Variants in SSPN observed in about 807,000 individuals in gnomAD.
SSPN encodes sarcospan.
SSPN carries 15 observed loss-of-function variants against 19.1 expected under a neutral mutation model. The ratio of observed to expected loss-of-function variants is 0.78; its 90% CI spans 0.52 to 1.21. The LOEUF (loss-of-function observed/expected upper bound fraction) is 1.21. SSPN is among the 50% of genes most tolerant of loss of function. The pLI, the probability that SSPN is intolerant of heterozygous loss-of-function variation, is 0.00. For missense variants in SSPN, 291 were observed against 314.0 expected, an observed-to-expected ratio of 0.93 and a Z score of 0.55; for synonymous variants, 147 against 140.3, an observed-to-expected ratio of 1.05 and a Z score of -0.34.
chr12:26,153,622 G>A (rs1410515371), intron 1 of SSPN, among the ~76,000 whole-genome samples: 2 of 152,206 alleles, frequency 1.3e-5, no homozygotes, highest in South Asian at 2.1e-4. Flanking sequence ...CTGAGCCTTG[G>A]TTTATTTTTA....
chr12:26,135,705 G>C (rs1944421262), intron 1 of SSPN, among the ~76,000 whole-genome samples: 1 of 152,134 alleles, frequency 6.6e-6, no homozygotes, highest in Non-Finnish European at 1.5e-5. Context: ...TGATTTTTCT[G>C]GTCAAGGGCT....
chr12:26,181,703 A>T (rs1409149368), intron 1 of SSPN, among the ~76,000 whole-genome samples: 1 of 152,192 alleles, frequency 6.6e-6, no homozygotes, highest in Non-Finnish European at 1.5e-5. Flanking sequence ...GAGCTTGTCT[A>T]GTGAGATAAA....
Position 26,143,892 on chromosome 12 carries a change from C to T in SSPN, c.-31+21740C>T, listed in dbSNP as rs534521211. On this transcript the variant is annotated intron_variant, in intron 1 of 2. Transcript: ENST00000538142. ...GAGTGCAAAACCCTATTGTGAACTG[C>T]GCATGTGAGGGATCTAGGTTGTGTG... 1.4e-4 allele frequency among the ~76,000 whole-genome samples: 22 copies of T among 152,174 alleles called. No individual in the cohort carries two copies. In the South Asian group the frequency reaches 3.3e-3, roughly 23 times the overall value.
chr12:26,202,021 C>T (rs954563936), intron 1 of SSPN, among the ~76,000 whole-genome samples: 1 of 152,184 alleles, frequency 6.6e-6, no homozygotes, highest in South Asian at 2.1e-4. Context: ...TACTCAAGTC[C>T]CTGCTATAAA....
chr12:26,196,892 C>A (rs945191267), intron 1 of SSPN, among the ~76,000 whole-genome samples: 2 of 152,194 alleles, frequency 1.3e-5, no homozygotes, highest in African/African-American at 4.8e-5. Flanking sequence ...CTCATTGAAC[C>A]ACACTGCCAC....
intron 1 of SSPN, among the ~76,000 whole-genome samples, chr12:26,157,103 A>T (rs1944560462): frequency 6.6e-6 from 1 of 152,106 alleles, no homozygotes. Context: ...AGTAAAAACA[A>T]CTCTGGTCTC....
At chr12:26,159,641 G>A (rs921938433) in intron 1 of SSPN, among the ~76,000 whole-genome samples, 2 of 152,204 alleles carry the variant, frequency 1.3e-5, no homozygotes, top group African/African-American at 4.8e-5. Context: ...GAATGGTTAT[G>A]TTTTCAAAGG....
Position 26,230,893 on chromosome 12 carries a change from C to G in SSPN, c.549C>G (p.Asp183Glu), listed in dbSNP as rs1408972093. 6.2e-7 allele frequency: 1 copy of G among 1,614,194 alleles called. No homozygotes were observed. The change falls in exon 3 of 3, where the codon GAC (aspartate) becomes GAG (glutamate). Residue 183 changes from aspartate (D) to glutamate (E), a missense_variant. Transcript: ENST00000242729. ...SRTFVYRDVTDCTSVTGTFKL... is the reference protein window; with the variant it reads ...SRTFVYRDVTECTSVTGTFKL... The stretch of plus-strand genomic sequence containing the variant: ...CCTTTGTTTACCGGGATGTGACGGA[C>G]TGTACCAGCGTCACTGGCACTTTCA...
At chr12:26,222,589 A>G (rs1259440066) in intron 1 of SSPN, among the ~76,000 whole-genome samples, 1 of 152,206 alleles carries the variant, frequency 6.6e-6, no homozygotes, top group East Asian at 1.9e-4. Flanking sequence ...TGTCTCTAGG[A>G]TAATTGTGCT....
chr12:26,123,559 A>G lies in SSPN; in HGVS notation c.-31+1407A>G, dbSNP rs376838807. 326 of 1,030,326 alleles carry G rather than the reference A, an allele frequency of 3.2e-4. 3 individuals are homozygous for G. In the African/African-American group the frequency reaches 3.6e-3, roughly 11 times the overall value. 63.8% of individuals were successfully genotyped at this position (1,030,326 alleles called of 1,614,324 possible). On this transcript the variant is annotated intron_variant, in intron 1 of 2. Transcript: ENST00000538142. ...GAAAGAGATGGGGTGCGGGTGAGGG[A>G]GTCCTGACACTGCTCCCCTGTGGGC...
At chr12:26,124,308 A>T (rs1944343166) in intron 1 of SSPN, 1 of 722,880 alleles carries the variant, frequency 1.4e-6, no homozygotes, top group Non-Finnish European at 2.4e-6. Context: ...CACCCAAGAA[A>T]CCTCTTTCCT....
chr12:26,140,282 A>T (rs1475632855), intron 1 of SSPN, among the ~76,000 whole-genome samples: 2 of 152,218 alleles, frequency 1.3e-5, no homozygotes, highest in Non-Finnish European at 2.9e-5. Flanking sequence ...AGTCAATGAC[A>T]CTACCATGTA....
chr12:26,169,232 A>G (rs1352040499), intron 1 of SSPN, among the ~76,000 whole-genome samples: 11 of 152,070 alleles, frequency 7.2e-5, no homozygotes, highest in Admixed American at 7.2e-4. Context: ...CTCTTTCAAA[A>G]GCAGTTGGAA....
chr12:26,227,252 C>A (rs935425709), intron 2 of SSPN, among the ~76,000 whole-genome samples: 2 of 152,106 alleles, frequency 1.3e-5, no homozygotes, highest in African/African-American at 4.8e-5. Flanking sequence ...GCAGATAAAG[C>A]CTGCAGGCTT....
chr12:26,145,304 C>T (rs980214896), intron 1 of SSPN, among the ~76,000 whole-genome samples: 2 of 152,162 alleles, frequency 1.3e-5, no homozygotes, highest in Admixed American at 1.3e-4. Flanking sequence ...CTTCCACCTT[C>T]GGTTCAAGAA....
chr12:26,124,648 C>A (rs1944347035), intron 1 of SSPN: 1 of 1,611,938 alleles, frequency 6.2e-7, no homozygotes, highest in African/African-American at 1.3e-5. Flanking sequence ...CAGCTCCATA[C>A]CACTTTCTGG....
intron 1 of SSPN, among the ~76,000 whole-genome samples, chr12:26,201,007 T>TTATATATA (rs1944872022): frequency 1.1e-5 from 1 of 89,416 alleles, no homozygotes. Flanking sequence ...AGAAGTTAAT[T>TTATATATA]TGTGTATATA....
chr12:26,137,803 T>A (rs1944437251), intron 1 of SSPN, among the ~76,000 whole-genome samples: 1 of 151,030 alleles, frequency 6.6e-6, no homozygotes, highest in African/African-American at 2.4e-5. Context: ...TAGCTGGGAT[T>A]ACAGGGGCCC....
Position 26,195,641 on chromosome 12 carries a change from G to GCGGGGGGGGCCCCCCCCCCCCC in SSPN, c.-31_-30insGGGGGGGGCCCCCCCCCCCCCC. 2.7e-6 allele frequency: 3 copies of GCGGGGGGGGCCCCCCCCCCCCC among 1,105,400 alleles called. No homozygotes were observed. Among genetic ancestry groups the GCGGGGGGGGCCCCCCCCCCCCC allele is most frequent in the South Asian group, 3.7e-5 (1 of 27,366 alleles). 68.5% of individuals were successfully genotyped at this position (1,105,400 alleles called of 1,614,324 possible). On this transcript the variant is annotated 5_prime_UTR_variant, in exon 1 of 3. Coordinates refer to ENST00000242729, the MANE Select transcript of SSPN (RefSeq NM_005086.5). ...CTCCAGGGCCCAGGGCGCCGCACAC[G>GCGGGGGGGGCCCCCCCCCCCCC]CACCCACCCACCCACCCAGCCTCGC...
Sources: allele counts gnomAD v4.1 joint callset (sites outside exome capture counted in the v4.1 genomes callset), GRCh38; gene constraint gnomAD v4.1.1; transcripts MANE v1.5; gene names NCBI Gene and HGNC (gene_info 2026-07-23, HGNC 2026-07-21).